HBEGF: variants seen among roughly 807,000 people sequenced by gnomAD.
HBEGF encodes proheparin-binding EGF-like growth factor.
Under a neutral mutation model 19.5 loss-of-function variants are expected in HBEGF, and 8 were observed. The ratio of observed to expected loss-of-function variants is 0.41; its 90% confidence interval spans 0.24 to 0.74. The LOEUF (loss-of-function observed/expected upper bound fraction) is 0.74, where lower values mean the gene tolerates loss of function less well. Among genes scored for constraint, HBEGF ranks in the 30% least tolerant of loss-of-function variants. The pLI is 0.32. For synonymous variants in HBEGF, 97 were observed against 108.9 expected (o/e 0.89, Z 0.68); for missense variants, 207 against 256.9 (o/e 0.81, Z 1.33).
chr5:140,346,020 G>A lies in HBEGF; in HGVS notation c.111C>T (p.Thr37=). Residue 37 remains threonine (T), a synonymous_variant, in exon 2 of 6, where the codon ACC becomes ACT. Coordinates refer to ENST00000230990, the MANE Select transcript of HBEGF (RefSeq NM_001945.3). The surrounding 1 kb of genome is among the most constrained non-coding windows in gnomAD (Gnocchi z 6.1). ...ATACAGTGGGAGGGTCCGGGTTGCT[G>A]GTTCCAGCAGCTAGCCCTCTCCGAA... The part of the protein sequence containing the change: ...ERLRRGLAAG[T]SNPDPPTVST... 6.2e-7 allele frequency: 1 copy of A among 1,614,096 alleles called. No homozygotes were observed.
chr5:140,343,998 C>T (rs890500315), intron 2 of HBEGF, among the ~76,000 whole-genome samples: 1 of 152,060 alleles, frequency 6.6e-6, no homozygotes, highest in African/African-American at 2.4e-5. Context: ...ATTAGCCGGG[C>T]GTGGTGGTGT....
At chr5:140,343,622 C>T (rs926873422) in intron 2 of HBEGF, among the ~76,000 whole-genome samples, 1 of 152,184 alleles carries the variant, frequency 6.6e-6, no homozygotes, top group South Asian at 2.1e-4. Flanking sequence ...TGATGACTCC[C>T]TCCTTCTTTC....
At chr5:140,343,005 C>A (rs1266615791) in intron 2 of HBEGF, 193 bp from the exon 3 acceptor site, 2 of 602,180 alleles carry the variant, frequency 3.3e-6, no homozygotes, top group South Asian at 4.3e-5. Flanking sequence ...AAAGAGGGAA[C>A]CTCGGTAGGA....
At chr5:140,334,876 C>A (rs756413892) in intron 4 of HBEGF, 128 bp from the exon 5 acceptor site, 3 of 766,534 alleles carry the variant, frequency 3.9e-6, no homozygotes, top group Non-Finnish European at 2.3e-6. Flanking sequence ...GGCAGTAGGG[C>A]AGCCCAAACT....
rs149591738 is a variant in HBEGF at position 140,339,565 on chromosome 5, G to T, written c.398+3070C>A. 9.7e-4 allele frequency among the ~76,000 whole-genome samples: 148 copies of T among 152,064 alleles called. 1 individual carries two copies. The East Asian group carries it at 0.027, about 28-fold the overall frequency. ...CCGCCACAACACCCAGCTAATTTTT[G>T]TATTTTTAGTAGAGACGGGGGTTTC... On this transcript the variant is annotated intron_variant, in intron 3 of 5. Transcript: ENST00000230990.
At chr5:140,335,277 A>G (rs4150232) in intron 4 of HBEGF, 34,124 of 155,532 alleles carry the variant, frequency 0.22, 3,928 homozygotes, top group East Asian at 0.32. Flanking sequence ...CCAGCTACTC[A>G]GGAGGCTGAG....
chr5:140,341,130 T>C (rs1766305557), intron 3 of HBEGF, among the ~76,000 whole-genome samples: 1 of 152,198 alleles, frequency 6.6e-6, no homozygotes, highest in African/African-American at 2.4e-5. Context: ...ATTATAGTTA[T>C]CACTATCCCT....
In HBEGF at chr5:140,346,139, C is replaced by A. The variant is rs974623075; in HGVS notation, c.47-55G>T. The A allele has an allele frequency of 7.6e-6, 12 of 1,580,560 alleles. No individual in the cohort carries two copies. The highest frequency in any genetic ancestry group is 2.3e-5 in the East Asian group (1 of 43,460). On this transcript the variant is annotated intron_variant, in intron 1 of 5. Transcript: ENST00000230990. This position sits in a 1 kb window ranked among gnomAD's most constrained non-coding sequence, Gnocchi z 6.1. ...CACCCGCCCAGACCCCTGACCAACA[C>A]GCACCGATGCCGACGCCCGTCCGCC...
chr5:140,338,647 C>G (rs1196772526), intron 3 of HBEGF, among the ~76,000 whole-genome samples: 4 of 152,336 alleles, frequency 2.6e-5, no homozygotes, highest in South Asian at 4.1e-4. Flanking sequence ...CTACCTCCCC[C>G]TCCCTTTGCA....
chr5:140,340,092 G>A (rs560934466), intron 3 of HBEGF, among the ~76,000 whole-genome samples: 13 of 152,134 alleles, frequency 8.5e-5, no homozygotes, highest in Non-Finnish European at 1.5e-4. Flanking sequence ...TTCAAGACCA[G>A]CCTGGCCAAC....
intron 5 of HBEGF, 134 bp downstream of exon 5, chr5:140,334,516 TGAAAATAA>T: frequency 4.4e-6 from 3 of 686,200 alleles, no homozygotes; most frequent in African/African-American, 3.6e-5. Flanking sequence ...TGAGTCTTTT[TGAAAATAA>T]TTCTGCAATG....
At chr5:140,338,973 G>A (rs1387585778) in intron 3 of HBEGF, among the ~76,000 whole-genome samples, 2 of 152,106 alleles carry the variant, frequency 1.3e-5, no homozygotes, top group Non-Finnish European at 2.9e-5. Context: ...GGTAATTTTG[G>A]GCAAGTCACG....
intron 3 of HBEGF, among the ~76,000 whole-genome samples, chr5:140,341,139 C>T (rs1766305716): frequency 6.6e-6 from 1 of 152,204 alleles, no homozygotes; most frequent in Non-Finnish European, 1.5e-5. Flanking sequence ...ATCACTATCC[C>T]TAGGGACCAC....
Position 140,346,030 on chromosome 5 carries a change from G to A in HBEGF, c.101C>T (p.Ala34Val), listed in dbSNP as rs41445951. The A allele has an allele frequency of 4.2e-5, 68 of 1,614,058 alleles. No individual in the cohort carries two copies. The East Asian group carries it at 1.4e-3, about 34-fold the overall frequency. Residue 34 changes from alanine to valine, a missense_variant, in exon 2 of 6, where the codon GCT (alanine) becomes GTT (valine). Around this residue, in one of 3 missense-constraint regions of HBEGF, gnomAD observed 127 missense variants for 132.7 expected, o/e 0.96. Transcript: ENST00000230990. The surrounding 1 kb of genome is among the most constrained non-coding windows in gnomAD (Gnocchi z 6.1). ...AGGGTCCGGGTTGCTGGTTCCAGCAGCTAGCCCTCTCCGAAGCCGCTCCAG... is the reference window on the plus strand; with the variant it reads ...AGGGTCCGGGTTGCTGGTTCCAGCAACTAGCCCTCTCCGAAGCCGCTCCAG... The part of the protein sequence containing the change: ...ESLERLRRGL[A>V]AGTSNPDPPT...
intron 3 of HBEGF, among the ~76,000 whole-genome samples, chr5:140,340,153 G>C (rs1312600786): frequency 2.0e-5 from 3 of 151,800 alleles, no homozygotes; most frequent in Non-Finnish European, 4.4e-5. Flanking sequence ...AGATGTGGGG[G>C]CATGTGCCTG....
At chr5:140,341,454 A>C (rs1210653313) in intron 3 of HBEGF, among the ~76,000 whole-genome samples, 5 of 152,192 alleles carry the variant, frequency 3.3e-5, no homozygotes, top group Non-Finnish European at 5.9e-5. Context: ...TGCCACTCTT[A>C]AACAACTCCC....
At chr5:140,341,269 C>A (rs1417822337) in intron 3 of HBEGF, among the ~76,000 whole-genome samples, 1 of 152,228 alleles carries the variant, frequency 6.6e-6, no homozygotes, top group Non-Finnish European at 1.5e-5. Context: ...GCCCCACATC[C>A]ATCCACCAAA....
intron 3 of HBEGF, among the ~76,000 whole-genome samples, chr5:140,336,828 C>CTTTTTTTTTTTTT (rs1160533557): frequency 3.0e-4 from 39 of 129,800 alleles, no homozygotes; most frequent in African/African-American, 5.8e-4. Context: ...TTTTCTTTTT[C>CTTTTTTTTTTTTT]TTTTTTTTTT....
chr5:140,345,580 T>C (rs1581114806), intron 2 of HBEGF, among the ~76,000 whole-genome samples: 1 of 152,150 alleles, frequency 6.6e-6, no homozygotes, highest in South Asian at 2.1e-4. Context: ...CATTTTTACA[T>C]AGTAGCTCTA....
Sources: allele counts gnomAD v4.1 joint callset (sites outside exome capture counted in the v4.1 genomes callset), GRCh38; gene constraint gnomAD v4.1.1; regional missense constraint gnomAD v4.1.1; non-coding constraint Gnocchi (gnomAD v3.1); transcripts MANE v1.5; gene names NCBI Gene and HGNC (gene_info 2026-07-23, HGNC 2026-07-21).